The following HTR2C variants were observed in gnomAD, a reference collection of about 807,000 sequenced individuals.
HTR2C encodes the protein 5-hydroxytryptamine receptor 2C, also known as 5-hydroxytryptamine (serotonin) receptor 2C, G protein-coupled.
HTR2C carries 5 observed loss-of-function variants against 21.0 expected under a neutral mutation model. That is an observed-to-expected ratio of 0.24 (90% CI 0.12 to 0.50). HTR2C has a LOEUF of 0.50. Ranked by LOEUF, HTR2C falls within the 20% of genes least tolerant of loss-of-function variation. HTR2C has a pLI of 0.98. For synonymous variants in HTR2C, 150 were observed against 145.3 expected, an observed-to-expected ratio of 1.03 and a Z score of -0.23; for missense variants, 271 against 371.2, an observed-to-expected ratio of 0.73 and a Z score of 2.22.
chrX:114,759,933 A>T (rs1393082746), intron 4 of HTR2C, among the ~76,000 whole-genome samples: 3 of 112,103 alleles, frequency 2.7e-5, no homozygotes, highest in Non-Finnish European at 5.6e-5. Flanking sequence ...ATATTAAATG[A>T]TATGATACAG....
chrX:114,731,322 C>A lies in HTR2C; in HGVS notation c.64C>A (p.Gln22Lys), dbSNP rs1556423232. The A allele has an allele frequency of 3.3e-6, 4 of 1,198,591 alleles. No individual in the cohort carries two copies. The highest frequency in any genetic ancestry group is 1.8e-5 in the African/African-American group (1 of 56,149). Reference protein sequence around the residue: ...LVHLIGLLVWQSDISVSPVAA... With the variant: ...LVHLIGLLVWKSDISVSPVAA... ...GCACCTAATTGGCCTATTGGTTTGG[C>A]AATCTGATATTTCTGTGAGCCCAGT... The change falls in exon 4 of 6, where the codon CAA becomes AAA. Residue 22 changes from glutamine to lysine, a missense_variant. Transcript: ENST00000276198.
chrX:114,714,115 G>T lies in HTR2C; in HGVS notation c.-79-12743G>T, dbSNP rs1249190143. 2.7e-5 allele frequency among the ~76,000 whole-genome samples: 3 copies of T among 111,532 alleles called. No homozygotes were observed. The East Asian group carries it at 8.4e-4, about 31-fold the overall frequency. On this transcript the variant is annotated intron_variant, in intron 2 of 5. Coordinates refer to ENST00000276198, the MANE Select transcript of HTR2C (RefSeq NM_000868.4). ...GTTATAAAATAGGCATATCAGTTTCGCTAAATATTGACACCATCTGATATA... is the reference window on the plus strand; with the variant it reads ...GTTATAAAATAGGCATATCAGTTTCTCTAAATATTGACACCATCTGATATA...
rs781976654 is a variant in HTR2C, at chrX:114,628,808, A to T, written c.-80+14927A>T. ...TAGGTGAATTATCTGTACTACAAAG[A>T]TGCATTTTGACGTGTATGCACACTG... is the stretch of plus-strand genomic sequence containing the variant. On this transcript the variant is annotated intron_variant, in intron 2 of 5. Coordinates refer to ENST00000276198, the MANE Select transcript of HTR2C (RefSeq NM_000868.4). 8.9e-5 allele frequency among the ~76,000 whole-genome samples: 10 copies of T among 112,200 alleles called. No individual in the cohort carries two copies. The East Asian group carries it at 2.8e-3, about 31-fold the overall frequency.
At chrX:114,769,551 C>T (rs377573433) in intron 4 of HTR2C, among the ~76,000 whole-genome samples, 6 of 110,661 alleles carry the variant, frequency 5.4e-5, no homozygotes, top group Admixed American at 9.7e-5. Context: ...GTTAGGCAAC[C>T]ATCAACTTTA....
At chrX:114,776,771 G>A (rs782066390) in intron 4 of HTR2C, 110 of 346,563 alleles carry the variant, frequency 3.2e-4, no homozygotes, top group Middle Eastern at 1.4e-3. Context: ...AGGTCCCTTC[G>A]ACATGGTTGC....
intron 2 of HTR2C, among the ~76,000 whole-genome samples, chrX:114,622,901 A>G (rs1814405985): frequency 8.9e-6 from 1 of 112,043 alleles, no homozygotes; most frequent in African/African-American, 3.2e-5. Flanking sequence ...AGTTTTGGTC[A>G]CAGCATTTTA....
chrX:114,631,187 T>C (rs1300398965), intron 2 of HTR2C, among the ~76,000 whole-genome samples: 1 of 110,305 alleles, frequency 9.1e-6, no homozygotes, highest in African/African-American at 3.3e-5. Flanking sequence ...ACACATGTAG[T>C]CCCAGCTACT....
At chrX:114,843,026 T>A (rs1556466111) in intron 4 of HTR2C, among the ~76,000 whole-genome samples, 1 of 111,991 alleles carries the variant, frequency 8.9e-6, no homozygotes, top group Non-Finnish European at 1.9e-5. Context: ...TCTGCCACAT[T>A]GTAATATTAA....
chrX:114,621,820 T>G (rs2147810758), intron 2 of HTR2C, among the ~76,000 whole-genome samples: 1 of 110,648 alleles, frequency 9.0e-6, no homozygotes, highest in Admixed American at 9.7e-5. Context: ...GAAAGGGGGG[T>G]CCCTTAAATG....
intron 2 of HTR2C, among the ~76,000 whole-genome samples, chrX:114,617,050 A>G (rs868994162): frequency 4.8e-4 from 54 of 112,412 alleles, no homozygotes; most frequent in African/African-American, 1.6e-3. Flanking sequence ...TGCAAGTTCA[A>G]TTAACAGAAT....
At chrX:114,882,711 A>G (rs1556480119) in intron 5 of HTR2C, among the ~76,000 whole-genome samples, 1 of 110,156 alleles carries the variant, frequency 9.1e-6, no homozygotes, top group Non-Finnish European at 1.9e-5. Flanking sequence ...ATAATTTTTT[A>G]TATGTTGCTG....
intron 4 of HTR2C, among the ~76,000 whole-genome samples, chrX:114,836,951 C>G (rs782783147): frequency 8.9e-6 from 1 of 111,782 alleles, no homozygotes; most frequent in East Asian, 2.8e-4. Context: ...TAATAAGTAA[C>G]TCTAGTACAA....
intron 4 of HTR2C, among the ~76,000 whole-genome samples, chrX:114,830,982 A>G (rs1224426767): frequency 2.4e-5 from 2 of 84,316 alleles, no homozygotes; most frequent in African/African-American, 4.1e-5. Flanking sequence ...TTTACTGAGA[A>G]TGATAATTTC....
intron 1 of HTR2C, among the ~76,000 whole-genome samples, chrX:114,595,547 A>C (rs1336307484): frequency 9.0e-6 from 1 of 110,590 alleles, no homozygotes; most frequent in Non-Finnish European, 1.9e-5. Flanking sequence ...TATTTCCAGT[A>C]CTTTCCCCTC....
chrX:114,779,793 A>G (rs1177052654), intron 4 of HTR2C, among the ~76,000 whole-genome samples: 2 of 111,993 alleles, frequency 1.8e-5, no homozygotes, highest in South Asian at 3.7e-4. Context: ...GACATTGGGT[A>G]CAAGAAGATA....
chrX:114,710,163 G>A (rs1007680976), intron 2 of HTR2C, among the ~76,000 whole-genome samples: 2 of 111,587 alleles, frequency 1.8e-5, no homozygotes, highest in African/African-American at 6.5e-5. Flanking sequence ...GGTGGCATGT[G>A]CCTGTGGTCC....
At chrX:114,839,655 C>T (rs2070816895) in intron 4 of HTR2C, among the ~76,000 whole-genome samples, 1 of 110,587 alleles carries the variant, frequency 9.0e-6, no homozygotes. Flanking sequence ...TCACGGCACA[C>T]CAGCCTGGGT....
intron 2 of HTR2C, among the ~76,000 whole-genome samples, chrX:114,725,725 C>T (rs1933433415): frequency 9.1e-6 from 1 of 110,442 alleles, no homozygotes. Flanking sequence ...GTTAGTTTTC[C>T]TTCTAACAGA....
At chrX:114,719,935 T>C (rs2147329719) in intron 2 of HTR2C, among the ~76,000 whole-genome samples, 1 of 111,805 alleles carries the variant, frequency 8.9e-6, no homozygotes, top group South Asian at 3.7e-4. Flanking sequence ...CACTCTATCT[T>C]TGAACCTTTA....
Sources: gnomAD v4.1 joint callset for allele counts (sites outside exome capture counted in the v4.1 genomes callset) on GRCh38, gnomAD v4.1.1 for gene constraint, MANE v1.5 for transcripts, NCBI Gene and HGNC (gene_info 2026-07-23, HGNC 2026-07-21) for gene names.